ABCC6: variants seen among roughly 807,000 people sequenced by gnomAD.
ABCC6 encodes the protein ATP binding cassette subfamily C member 6.
In ABCC6, 126 loss-of-function variants were observed where a neutral mutation model predicts 169.5. The ratio of observed to expected loss-of-function variants is 0.74; its 90% confidence interval spans 0.64 to 0.86. The LOEUF (loss-of-function observed/expected upper bound fraction) is 0.86, where lower values mean the gene tolerates loss of function less well. Ranked by LOEUF, ABCC6 falls within the 40% of genes least tolerant of loss-of-function variation. The probability of loss-of-function intolerance (pLI) is 0.00; values close to 1 mark genes in which losing one functional copy is unlikely to be tolerated. For synonymous variants in ABCC6, 752 were observed against 814.7 expected, an observed-to-expected ratio of 0.92 and a Z score of 1.31; for missense variants, 1,733 against 1,927.2, an observed-to-expected ratio of 0.90 and a Z score of 1.89.
intron 14 of ABCC6, 56 bp from the exon 15 acceptor site, chr16:16,185,090 T>A: frequency 6.6e-7 from 1 of 1,514,054 alleles, no homozygotes; most frequent in Non-Finnish European, 9.2e-7. Context: ...GGCCTCTGCA[T>A]CGGAGAGGCC....
At chr16:16,182,337 C>G in intron 17 of ABCC6, 75 bp downstream of exon 17, 2 of 1,554,124 alleles carry the variant, frequency 1.3e-6, no homozygotes, top group Non-Finnish European at 1.8e-6. Context: ...ATCATACTGC[C>G]CATGATGAGT....
At chr16:16,188,756 A>G (rs2047737994) in intron 13 of ABCC6, 75 bp downstream of exon 13, 1 of 1,532,056 alleles carries the variant, frequency 6.5e-7, no homozygotes, top group Non-Finnish European at 8.9e-7. Flanking sequence ...TGCAAATGGC[A>G]GGGGTAGGGA....
At chr16:16,155,226 T>C (rs2046512374) in intron 27 of ABCC6, 195 bp from the exon 28 acceptor site, 1 of 653,844 alleles carries the variant, frequency 1.5e-6, no homozygotes, top group East Asian at 2.7e-5. Flanking sequence ...ATCTGTGTTC[T>C]TCTCTATCTT....
At chr16:16,196,450 A>G (rs2048041982) in intron 10 of ABCC6, among the ~76,000 whole-genome samples, 1 of 152,182 alleles carries the variant, frequency 6.6e-6, no homozygotes, top group Non-Finnish European at 1.5e-5. Context: ...AACTAATGAT[A>G]ATATTACAAA....
chr16:16,187,493 A>G (rs2047687148), intron 13 of ABCC6, among the ~76,000 whole-genome samples: 1 of 152,212 alleles, frequency 6.6e-6, no homozygotes, highest in African/African-American at 2.4e-5. Flanking sequence ...TGGCTTTTCC[A>G]ATAAGGTTAT....
chr16:16,182,211 T>C (rs908275664), intron 17 of ABCC6, among the ~76,000 whole-genome samples: 1 of 152,166 alleles, frequency 6.6e-6, no homozygotes, highest in African/African-American at 2.4e-5. Context: ...GCCTCTCTCT[T>C]TGTGTCTATT....
Position 16,150,561 on chromosome 16 carries a change from C to G in ABCC6, c.4403+17G>C. ...CTGCAGGGCTGCTGTGAGGTCAGGC[C>G]GGGGCGGGAGCCTTACCGGGCACAG... On this transcript the variant is annotated intron_variant, in intron 30 of 30. Coordinates refer to ENST00000205557, the MANE Select transcript of ABCC6 (RefSeq NM_001171.6). The G allele has an allele frequency of 6.2e-7, 1 of 1,603,920 alleles. No individual in the cohort carries two copies. Among genetic ancestry groups the G allele is most frequent in the African/African-American group, 1.3e-5 (1 of 74,842 alleles).
chr16:16,173,290 G>T lies in ABCC6; in HGVS notation c.2781C>A (p.Tyr927Ter), dbSNP rs61731973. The change falls in exon 21 of 31, where the codon TAC becomes TAA. Residue 927 changes from tyrosine (Y) to a stop codon, truncating the protein, a stop_gained. Transcript: ENST00000205557. LOFTEE classifies it high-confidence loss of function. ...GWPAGKDSIQ[Y>*]GRVKATVHLA... ...GGGTGAAGCTGGTGGTTACCCTGCC[G>T]TATTGGATGCTGTCCTTTCCTGCTG... is the stretch of plus-strand genomic sequence containing the variant. 1.2e-6 allele frequency: 2 copies of T among 1,613,972 alleles called. No homozygotes were observed. Among genetic ancestry groups the T allele is most frequent in the African/African-American group, 1.3e-5 (1 of 75,002 alleles).
rs1190152983 is a variant in ABCC6 at position 16,171,347 on chromosome 16, G to A, written c.2788-1494C>T. Among the ~76,000 whole-genome samples, 3 of 152,168 alleles carry A rather than the reference G, an allele frequency of 2.0e-5. No individual in the cohort carries two copies. In the East Asian group the frequency reaches 5.8e-4, roughly 29 times the overall value. On this transcript the variant is annotated intron_variant, in intron 21 of 30. Coordinates refer to ENST00000205557, the MANE Select transcript of ABCC6 (RefSeq NM_001171.6). The stretch of plus-strand genomic sequence containing the variant: ...AATCCTCCTGCCTCAGCCTCTGAAA[G>A]TGTTGGGATTACAGGCATGAGCCAC...
chr16:16,199,791 G>T lies in ABCC6; in HGVS notation c.1177-1609C>A, dbSNP rs567959355. Among the ~76,000 whole-genome samples the T allele has an allele frequency of 1.9e-3, 289 of 148,276 alleles. 3 individuals are homozygous for T. Among genetic ancestry groups the T allele is most frequent in the Non-Finnish European group, 3.7e-3 (244 of 66,626 alleles). On this transcript the variant is annotated intron_variant, in intron 9 of 30. Transcript: ENST00000205557. ...TAATAAAGATTTATATAACTGGCCGGGCACAGTGGCTCACACCTGTAATCC... is the reference window on the plus strand; with the variant it reads ...TAATAAAGATTTATATAACTGGCCGTGCACAGTGGCTCACACCTGTAATCC...
intron 15 of ABCC6, among the ~76,000 whole-genome samples, chr16:16,184,594 TGATACAG>T (rs1440942378): frequency 6.6e-6 from 1 of 152,162 alleles, no homozygotes; most frequent in Non-Finnish European, 1.5e-5. Flanking sequence ...GACCTCGGAC[TGATACAG>T]GAGGCACAGA....
intron 22 of ABCC6, 73 bp downstream of exon 22, chr16:16,169,573 T>G (rs989464493): frequency 6.5e-7 from 1 of 1,541,176 alleles, no homozygotes; most frequent in Admixed American, 1.8e-5. Context: ...CAGGGAGGGG[T>G]GGGGTAAAGG....
chr16:16,157,874 C>T lies in ABCC6; in HGVS notation c.3736-65G>A, dbSNP rs527851693. ...CTAAGACTTCACACAAGATGGCCCA[C>T]CTCTATCAGCTTCAGTTTTCTCTTC... On this transcript the variant is annotated intron_variant, in intron 26 of 30. Coordinates refer to ENST00000205557, the MANE Select transcript of ABCC6 (RefSeq NM_001171.6). 2,776 of 1,534,364 alleles carry T rather than the reference C, an allele frequency of 1.8e-3. 5 individuals carry two copies. The highest frequency in any genetic ancestry group is 2.3e-3 in the Non-Finnish European group (2,626 of 1,136,512).
At chr16:16,207,188 A>C (rs1453887629) in intron 7 of ABCC6, among the ~76,000 whole-genome samples, 1 of 152,132 alleles carries the variant, frequency 6.6e-6, no homozygotes, top group African/African-American at 2.4e-5. Context: ...TTCTGTTTGG[A>C]AAAACACATG....
At position 16,177,630 on chromosome 16, in the gene ABCC6, G is replaced by C; in HGVS notation, c.2416-4C>G. 1.9e-6 allele frequency: 3 copies of C among 1,614,176 alleles called. No individual in the cohort carries two copies. The highest frequency in any genetic ancestry group is 1.1e-5 in the South Asian group (1 of 91,088). Reference sequence around the variant, plus strand: ...CGTGCGTCACGAGAATCCGTGTCTGGGCAGGGAAGGGGTAGAAGTTACACA... The same window carrying C: ...CGTGCGTCACGAGAATCCGTGTCTGCGCAGGGAAGGGGTAGAAGTTACACA... On this transcript the variant is annotated splice_polypyrimidine_tract_variant and splice_region_variant and intron_variant, in intron 18 of 30. Transcript: ENST00000205557.
chr16:16,166,869 G>C (rs556850793), intron 22 of ABCC6, among the ~76,000 whole-genome samples: 1 of 151,874 alleles, frequency 6.6e-6, no homozygotes, highest in African/African-American at 2.4e-5. Flanking sequence ...CTGCACTCCA[G>C]CCTGGTTGAC....
intron 17 of ABCC6, among the ~76,000 whole-genome samples, chr16:16,181,214 G>A (rs1334460464): frequency 1.3e-5 from 2 of 151,940 alleles, no homozygotes; most frequent in Non-Finnish European, 2.9e-5. Flanking sequence ...AGGCTGAGGT[G>A]GGAGGATTGC....
At chr16:16,183,160 ACT>A (rs1316608598) in intron 15 of ABCC6, among the ~76,000 whole-genome samples, 5 of 152,114 alleles carry the variant, frequency 3.3e-5, no homozygotes, top group East Asian at 3.9e-4. Flanking sequence ...ACATTTGCAC[ACT>A]CATACAAGCA....
rs369806278 is a variant in ABCC6, at chr16:16,165,618, C to T, written c.3306+5G>A. 1.8e-4 allele frequency: 293 copies of T among 1,613,002 alleles called. 1 individual carries two copies. The highest frequency in any genetic ancestry group is 3.8e-4 in the South Asian group (35 of 91,074). On this transcript the variant is annotated splice_donor_5th_base_variant and intron_variant, in intron 23 of 30. Coordinates refer to ENST00000205557, the MANE Select transcript of ABCC6 (RefSeq NM_001171.6). ...GTCCCGGAAGCCTCCCTGACCTCTC[C>T]GTACCTGAAACCCAGCGTAGAGGAG...
Sources: gnomAD v4.1 joint callset for allele counts (sites outside exome capture counted in the v4.1 genomes callset) on GRCh38, gnomAD v4.1.1 for gene constraint, MANE v1.5 for transcripts, NCBI Gene and HGNC (gene_info 2026-07-23, HGNC 2026-07-21) for gene names.